BMPER: variants seen among roughly 807,000 people sequenced by gnomAD.
The protein encoded by BMPER is BMP binding endothelial regulator, also known as BMP-binding endothelial regulator protein.
BMPER carries 45 observed loss-of-function variants against 87.3 expected under a neutral mutation model. The observed-to-expected ratio is 0.52, with a 90% CI of 0.41 to 0.66. The LOEUF (loss-of-function observed/expected upper bound fraction) is 0.66. Among genes scored for constraint, BMPER ranks in the 30% least tolerant of loss-of-function variants. The probability of loss-of-function intolerance (pLI) is 0.00; values close to 1 mark genes in which losing one functional copy is unlikely to be tolerated. For missense variants in BMPER, 784 were observed against 867.5 expected (o/e 0.90, Z 1.21); for synonymous variants, 326 against 316.2 (o/e 1.03, Z -0.33).
chr7:34,117,238 T>A (rs1790141664), intron 13 of BMPER, among the ~76,000 whole-genome samples: 1 of 152,214 alleles, frequency 6.6e-6, no homozygotes, highest in Admixed American at 6.5e-5. Flanking sequence ...GCTTCATTCA[T>A]CAATGGGAAG....
intron 10 of BMPER, among the ~76,000 whole-genome samples, chr7:34,060,007 G>A (rs1017651073): frequency 6.6e-6 from 1 of 151,992 alleles, no homozygotes; most frequent in Admixed American, 6.5e-5. Flanking sequence ...TCTCTAATAC[G>A]TACTGAGATT....
intron 2 of BMPER, among the ~76,000 whole-genome samples, chr7:33,928,052 T>G (rs1230106392): frequency 6.6e-6 from 1 of 152,110 alleles, no homozygotes; most frequent in African/African-American, 2.4e-5. Flanking sequence ...TCCTTCTCCT[T>G]CACCCCTGGC....
intron 3 of BMPER, among the ~76,000 whole-genome samples, chr7:33,965,521 C>T (rs931647229): frequency 2.0e-5 from 3 of 152,140 alleles, no homozygotes; most frequent in Non-Finnish European, 1.5e-5. Flanking sequence ...GTCATTGAAA[C>T]AGAGAGCCAG....
At chr7:34,054,921 A>G (rs1788242616) in intron 8 of BMPER, among the ~76,000 whole-genome samples, 1 of 152,236 alleles carries the variant, frequency 6.6e-6, no homozygotes, top group South Asian at 2.1e-4. Context: ...ACGTGAAATC[A>G]TAAATCCTTG....
chr7:34,024,127 G>T (rs1024881101), intron 6 of BMPER, among the ~76,000 whole-genome samples: 1 of 150,830 alleles, frequency 6.6e-6, no homozygotes, highest in Non-Finnish European at 1.5e-5. Context: ...ATTAATATGT[G>T]TGGGTGGATC....
At chr7:34,059,100 A>G (rs1357040510) in intron 10 of BMPER, among the ~76,000 whole-genome samples, 1 of 152,214 alleles carries the variant, frequency 6.6e-6, no homozygotes, top group East Asian at 1.9e-4. Context: ...CATAAAAGAA[A>G]AAAAAAGAAG....
intron 13 of BMPER, among the ~76,000 whole-genome samples, chr7:34,139,445 T>C (rs1224215029): frequency 6.6e-6 from 1 of 152,244 alleles, no homozygotes; most frequent in East Asian, 1.9e-4. Flanking sequence ...TTCTTTTGTG[T>C]AGTATTAAAA....
intron 3 of BMPER, among the ~76,000 whole-genome samples, chr7:33,938,309 C>T (rs1340921648): frequency 6.6e-6 from 1 of 152,200 alleles, no homozygotes; most frequent in Non-Finnish European, 1.5e-5. Context: ...AATTTCACAT[C>T]TACTTGGAAG....
At chr7:34,039,153 C>T (rs966136536) in intron 6 of BMPER, among the ~76,000 whole-genome samples, 2 of 152,188 alleles carry the variant, frequency 1.3e-5, no homozygotes, top group African/African-American at 2.4e-5. Flanking sequence ...GAACACTTGT[C>T]TTGAGCACAT....
chr7:33,914,153 G>A (rs1463039327), intron 2 of BMPER, among the ~76,000 whole-genome samples: 1 of 151,858 alleles, frequency 6.6e-6, no homozygotes, highest in Non-Finnish European at 1.5e-5. Context: ...TTTTAGTAGA[G>A]ACGGGGTTTC....
Position 33,974,754 on chromosome 7 carries a change from A to G in BMPER, c.546A>G (p.Glu182=). The G allele has an allele frequency of 1.9e-6, 3 of 1,614,138 alleles. No homozygotes were observed. Among genetic ancestry groups the G allele is most frequent in the East Asian group, 2.2e-5 (1 of 44,872 alleles). The change falls in exon 6 of 15, where the codon GAA becomes GAG. Residue 182 remains glutamate, a synonymous_variant. Transcript: ENST00000649409. Reference sequence around the variant, plus strand: ...AAGAAGGGGAGGAATTTCAGCCAGAAGGAAGCAAATGTACCAAGTGTTCCT... The same window carrying G: ...AAGAAGGGGAGGAATTTCAGCCAGAGGGAAGCAAATGTACCAAGTGTTCCT... ...QYQEGEEFQP[E]GSKCTKCSCT... is the part of the protein sequence containing the mutation.
chr7:33,991,968 T>C (rs1786233699), intron 6 of BMPER, among the ~76,000 whole-genome samples: 1 of 145,476 alleles, frequency 6.9e-6, no homozygotes. Context: ...TTGATTGCAC[T>C]GTGGTCTGAG....
intron 13 of BMPER, among the ~76,000 whole-genome samples, chr7:34,106,710 G>A (rs1247969966): frequency 2.0e-5 from 3 of 152,194 alleles, no homozygotes; most frequent in African/African-American, 7.2e-5. Flanking sequence ...TTACTGGCAA[G>A]ACAAAATTCC....
At chr7:33,942,420 C>CA in intron 3 of BMPER, among the ~76,000 whole-genome samples, 1 of 152,152 alleles carries the variant, frequency 6.6e-6, no homozygotes, top group Non-Finnish European at 1.5e-5. Flanking sequence ...GTGACTTTCC[C>CA]AATATCACAG....
chr7:34,082,625 GT>G (rs1245226369), intron 12 of BMPER, among the ~76,000 whole-genome samples: 2 of 152,134 alleles, frequency 1.3e-5, no homozygotes, highest in Non-Finnish European at 2.9e-5. Context: ...TTTGAGAAGG[GT>G]TTACTGGAAA....
At chr7:33,942,432 G>C (rs1039784049) in intron 3 of BMPER, among the ~76,000 whole-genome samples, 2 of 152,180 alleles carry the variant, frequency 1.3e-5, no homozygotes, top group Non-Finnish European at 2.9e-5. Flanking sequence ...ATATCACAGA[G>C]CTAGTAAGTG....
intron 3 of BMPER, among the ~76,000 whole-genome samples, chr7:33,960,441 T>C (rs1785240035): frequency 6.6e-6 from 1 of 152,198 alleles, no homozygotes; most frequent in Non-Finnish European, 1.5e-5. Context: ...TTGGGGCTTA[T>C]TGACCAAGTC....
At chr7:34,011,583 CAAAAAAAAAAAA>C (rs36022297) in intron 6 of BMPER, among the ~76,000 whole-genome samples, 1 of 45,764 alleles carries the variant, frequency 2.2e-5, no homozygotes, top group East Asian at 7.5e-4. Flanking sequence ...TTGGTCAGGG[CAAAAAAAAAAAA>C]AAAAAAAAAG....
intron 6 of BMPER, among the ~76,000 whole-genome samples, chr7:33,987,323 G>A (rs578236276): frequency 3.9e-5 from 6 of 152,218 alleles, no homozygotes; most frequent in African/African-American, 4.8e-5. Context: ...TGTGTGAGCC[G>A]CGATGTGTTT....
Sources: allele counts gnomAD v4.1 joint callset (sites outside exome capture counted in the v4.1 genomes callset), GRCh38; gene constraint gnomAD v4.1.1; transcripts MANE v1.5; gene names NCBI Gene and HGNC (gene_info 2026-07-23, HGNC 2026-07-21).